The following PCDHA5 variants were observed in gnomAD, a reference collection of about 807,000 sequenced individuals.
PCDHA5 encodes the protein protocadherin alpha 5.
Under a neutral mutation model 61.6 loss-of-function variants are expected in PCDHA5, and 43 were observed. The ratio of observed to expected loss-of-function variants is 0.70; its 90% CI spans 0.55 to 0.90. The LOEUF (loss-of-function observed/expected upper bound fraction) is 0.90. Among genes scored for constraint, PCDHA5 ranks in the 40% least tolerant of loss-of-function variants. The pLI is 0.00. For synonymous variants in PCDHA5, 627 were observed against 543.9 expected, an observed-to-expected ratio of 1.15 and a Z score of -2.13; for missense variants, 1,298 against 1,222.7, an observed-to-expected ratio of 1.06 and a Z score of -0.92.
chr5:140,840,846 C>A (rs1473721768), intron 1 of PCDHA5, among the ~76,000 whole-genome samples: 5 of 151,994 alleles, frequency 3.3e-5, no homozygotes, highest in Non-Finnish European at 5.9e-5. Flanking sequence ...TAATGCATTT[C>A]TTCCACACGA....
At chr5:140,897,050 G>C (rs1269082503) in intron 1 of PCDHA5, among the ~76,000 whole-genome samples, 1 of 152,014 alleles carries the variant, frequency 6.6e-6, no homozygotes, top group African/African-American at 2.4e-5. Flanking sequence ...CTATTCTGCT[G>C]TCAAATACTA....
chr5:140,881,587 GAAAT>G (rs2058760366), intron 1 of PCDHA5, among the ~76,000 whole-genome samples: 1 of 152,186 alleles, frequency 6.6e-6, no homozygotes, highest in Non-Finnish European at 1.5e-5. Context: ...CACATTGAGG[GAAAT>G]TTATTAATAT....
intron 1 of PCDHA5, chr5:140,830,161 G>T: frequency 6.2e-7 from 1 of 1,613,372 alleles, no homozygotes; most frequent in Non-Finnish European, 8.5e-7. Context: ...CGGGCCCAGA[G>T]GCGGCGCTGG....
Position 140,828,872 on chromosome 5 carries a change from G to A in PCDHA5, c.2352+4745G>A, listed in dbSNP as rs1769998311. 15 of 1,614,106 alleles carry A rather than the reference G, an allele frequency of 9.3e-6. No individual in the cohort carries two copies. The highest frequency in any genetic ancestry group is 1.2e-5 in the Non-Finnish European group (14 of 1,180,040). On this transcript the variant is annotated intron_variant, in intron 1 of 3. Coordinates refer to ENST00000529859, the MANE Select transcript of PCDHA5 (RefSeq NM_018908.3). ...CGAAAATGCAGACAACGGAACAACA[G>A]TTATCAGACTGAATGCTTCTGATCG...
At chr5:140,966,709 G>T in intron 1 of PCDHA5, 2 of 1,387,174 alleles carry the variant, frequency 1.4e-6, no homozygotes, top group Non-Finnish European at 1.9e-6. Flanking sequence ...CGTGGGGCAC[G>T]GCTGGGGAAG....
intron 1 of PCDHA5, among the ~76,000 whole-genome samples, chr5:140,838,465 G>A (rs2150289801): frequency 3.4e-4 from 52 of 151,444 alleles, no homozygotes; most frequent in Admixed American, 3.3e-3. Flanking sequence ...TTTCATTAGC[G>A]CTTATTCCTT....
chr5:140,929,679 G>T lies in PCDHA5; in HGVS notation c.2353-49270G>T, dbSNP rs142104946. ...ATTTAAAGTGAAGAATGAAAAATAT[G>T]TAAGAGTCTGCTTTATATGAATATA... On this transcript the variant is annotated intron_variant, in intron 1 of 3. Coordinates refer to ENST00000529859, the MANE Select transcript of PCDHA5 (RefSeq NM_018908.3). 2.7e-3 allele frequency: 822 copies of T among 303,170 alleles called. 4 individuals are homozygous for T. Among genetic ancestry groups the T allele is most frequent in the African/African-American group, 0.017 (768 of 46,460 alleles). The allele number at this position is 303,170 out of a possible 1,614,324, so 18.8% of individuals were successfully genotyped here. A position where few individuals can be genotyped will look rare whatever the true frequency, so the allele number is the denominator to read the frequency against.
intron 1 of PCDHA5, among the ~76,000 whole-genome samples, chr5:140,918,436 A>T (rs2078697265): frequency 6.6e-6 from 1 of 152,092 alleles, no homozygotes; most frequent in Admixed American, 6.6e-5. Context: ...GTTGAATAGG[A>T]GTGGTGACAG....
At chr5:140,875,262 C>T (rs2055382922) in intron 1 of PCDHA5, 1 of 1,157,372 alleles carries the variant, frequency 8.6e-7, no homozygotes, top group Admixed American at 3.0e-5. Flanking sequence ...CATGATGTCG[C>T]TCTACACTCA....
intron 1 of PCDHA5, chr5:140,828,757 C>A: frequency 6.2e-7 from 1 of 1,614,234 alleles, no homozygotes; most frequent in Non-Finnish European, 8.5e-7. Flanking sequence ...AACCTGAGCT[C>A]ACAGGCACTG....
chr5:141,011,288 T>C lies in PCDHA5; in HGVS notation c.*1351T>C, dbSNP rs1379355395. 1 of 153,798 alleles carries C rather than the reference T, an allele frequency of 6.5e-6. No individual in the cohort carries two copies. Among genetic ancestry groups the C allele is most frequent in the Non-Finnish European group, 1.5e-5 (1 of 68,050 alleles). The allele number at this position is 153,798 out of a possible 1,614,324, so 9.5% of individuals were successfully genotyped here. A position where few individuals can be genotyped will look rare whatever the true frequency, so the allele number is the denominator to read the frequency against. On this transcript the variant is annotated 3_prime_UTR_variant, in exon 4 of 4. Transcript: ENST00000529859. ...CTTCTCTTTGGTTTAGTTTTCCTTT[T>C]CTATAACACTCTGAATTGCTAATCT... is the stretch of plus-strand genomic sequence containing the variant.
intron 1 of PCDHA5, among the ~76,000 whole-genome samples, chr5:140,903,298 A>G (rs1218115864): frequency 6.6e-6 from 1 of 152,170 alleles, no homozygotes; most frequent in Non-Finnish European, 1.5e-5. Context: ...TAGGAAATTT[A>G]GTATACAATA....
intron 1 of PCDHA5, chr5:140,968,024 A>C: frequency 1.2e-6 from 2 of 1,614,178 alleles, no homozygotes; most frequent in Non-Finnish European, 1.7e-6. Flanking sequence ...AAACTCCTAT[A>C]CACTGGTGGT....
At chr5:140,988,545 T>C (rs1164667441) in intron 3 of PCDHA5, among the ~76,000 whole-genome samples, 1 of 152,150 alleles carries the variant, frequency 6.6e-6, no homozygotes, top group African/African-American at 2.4e-5. Context: ...ATTCATGACT[T>C]TCTTCATCTT....
At chr5:140,914,929 G>A (rs1167844428) in intron 1 of PCDHA5, among the ~76,000 whole-genome samples, 2 of 145,306 alleles carry the variant, frequency 1.4e-5, no homozygotes, top group African/African-American at 5.0e-5. Flanking sequence ...ATTGTACTAT[G>A]TTGTGAAAAG....
At chr5:140,851,915 T>G (rs1554145604) in intron 1 of PCDHA5, 1 of 967,000 alleles carries the variant, frequency 1.0e-6, no homozygotes, top group Non-Finnish European at 1.2e-6. Context: ...TGTCACTACA[T>G]GTTATGTTTC....
chr5:140,996,944 ATATT>A (rs2097754010), intron 3 of PCDHA5, among the ~76,000 whole-genome samples: 1 of 152,144 alleles, frequency 6.6e-6, no homozygotes, highest in Non-Finnish European at 1.5e-5. Flanking sequence ...TTGCATAGAA[ATATT>A]TATTTCCCTC....
chr5:140,829,988 A>C (rs1770730087), intron 1 of PCDHA5: 3 of 1,613,924 alleles, frequency 1.9e-6, no homozygotes, highest in Non-Finnish European at 2.5e-6. Context: ...CGAGATCAGC[A>C]CCACTCGTGT....
intron 3 of PCDHA5, among the ~76,000 whole-genome samples, chr5:141,008,360 G>C (rs569459357): frequency 6.6e-6 from 1 of 152,220 alleles, no homozygotes; most frequent in South Asian, 2.1e-4. Flanking sequence ...TCAACCAAAG[G>C]AGCAGTGTTA....
Sources: allele counts gnomAD v4.1 joint callset (sites outside exome capture counted in the v4.1 genomes callset), GRCh38; gene constraint gnomAD v4.1.1; transcripts MANE v1.5; gene names NCBI Gene and HGNC (gene_info 2026-07-23, HGNC 2026-07-21).